The following ZNF699 variants were observed in gnomAD, a reference collection of about 807,000 sequenced individuals.
The protein encoded by ZNF699 is zinc finger protein 699.
ZNF699 carries 18 observed loss-of-function variants against 22.5 expected under a neutral mutation model. The ratio of observed to expected loss-of-function variants is 0.80; its 90% CI spans 0.55 to 1.19. The LOEUF is 1.19. Among genes scored for constraint, ZNF699 ranks in the 50% most tolerant of loss-of-function variants. The pLI is 0.00. For synonymous variants in ZNF699, 241 were observed against 262.3 expected (o/e 0.92, Z 0.78); for missense variants, 670 against 763.4 (o/e 0.88, Z 1.44).
chr19:9,300,845 C>T (rs533359015), intron 3 of ZNF699, among the ~76,000 whole-genome samples: 1 of 152,276 alleles, frequency 6.6e-6, no homozygotes, highest in African/African-American at 2.4e-5. Context: ...TGAAACTATT[C>T]TGTATGATAT....
intron 2 of ZNF699, among the ~76,000 whole-genome samples, chr19:9,304,554 T>C (rs1184385357): frequency 6.6e-6 from 1 of 152,192 alleles, no homozygotes; most frequent in South Asian, 2.1e-4. Context: ...TACAGTTTTA[T>C]TGGAACACAA....
rs751018922 is a variant in ZNF699, at chr19:9,296,138, CAG to C, written c.1264_1265del (p.Leu422GlyfsTer13). 6.2e-7 allele frequency: 1 copy of C among 1,613,434 alleles called. No homozygotes were observed. The highest frequency in any genetic ancestry group is 8.5e-7 in the Non-Finnish European group (1 of 1,179,866). On this transcript the variant is annotated frameshift_variant, in exon 6 of 6. Transcript: ENST00000591998. LOFTEE classifies it low-confidence loss of function (END_TRUNC). The stretch of plus-strand genomic sequence containing the variant: ...GAAGGTAGAAGGCCTTTCCACATTC[CAG>C]ACATTCATACGGTTTTTCTCCAGTG... ...KHTGEKPYEC[L>X]ECGKAFYLPT... is the part of the protein sequence containing the mutation.
intron 3 of ZNF699, 88 bp from the exon 4 acceptor site, chr19:9,298,078 G>C (rs2066293795): frequency 2.5e-6 from 2 of 794,114 alleles, no homozygotes; most frequent in Non-Finnish European, 4.1e-6. Context: ...TTAGTCTTCT[G>C]ATATTCCAAA....
intron 1 of ZNF699, among the ~76,000 whole-genome samples, chr19:9,307,906 C>CA (rs2066333279): frequency 1.3e-5 from 2 of 148,366 alleles, no homozygotes; most frequent in Admixed American, 1.3e-4. Context: ...AAGATCACGC[C>CA]ACTGCACTCC....
rs1335962787 is a variant in ZNF699, at chr19:9,294,601, A to G, written c.*874T>C. ...TTCCCTTATGCCTTCCAAATCTCGTACAAACTCTTATTTTAGACAAGTCTA... is the reference window on the plus strand; with the variant it reads ...TTCCCTTATGCCTTCCAAATCTCGTGCAAACTCTTATTTTAGACAAGTCTA... On this transcript the variant is annotated 3_prime_UTR_variant, in exon 6 of 6. Coordinates refer to ENST00000591998, the MANE Select transcript of ZNF699 (RefSeq NM_198535.3). 6.6e-6 allele frequency: 1 copy of G among 152,226 alleles called. No homozygotes were observed. The highest frequency in any genetic ancestry group is 1.5e-5 in the Non-Finnish European group (1 of 68,036). 9.4% of individuals were successfully genotyped at this position (152,226 alleles called of 1,614,324 possible).
Position 9,294,193 on chromosome 19 carries a change from T to C in ZNF699, c.*1282A>G, listed in dbSNP as rs572452285. On this transcript the variant is annotated 3_prime_UTR_variant, in exon 6 of 6. Coordinates refer to ENST00000591998, the MANE Select transcript of ZNF699 (RefSeq NM_198535.3). ...GAGCTTGCTAGAAAATCCAAGAAGCTGTATCTGGTGATAGCTTTAGAGATG... is the reference window on the plus strand; with the variant it reads ...GAGCTTGCTAGAAAATCCAAGAAGCCGTATCTGGTGATAGCTTTAGAGATG... 6.6e-6 allele frequency: 1 copy of C among 152,354 alleles called. No individual in the cohort carries two copies. Among genetic ancestry groups the C allele is most frequent in the South Asian group, 2.1e-4 (1 of 4,830 alleles). The allele number at this position is 152,354 out of a possible 1,614,324, so 9.4% of individuals were successfully genotyped here.
intron 1 of ZNF699, among the ~76,000 whole-genome samples, chr19:9,308,993 C>T (rs1233771407): frequency 6.6e-6 from 1 of 152,186 alleles, no homozygotes; most frequent in East Asian, 1.9e-4. Context: ...ATATAATATC[C>T]AGAGACCAAA....
In ZNF699 at chr19:9,294,018, T is replaced by A. The variant is rs2066275925; in HGVS notation, c.*1457A>T. 6.6e-6 allele frequency among the ~76,000 whole-genome samples: 1 copy of A among 152,106 alleles called. No individual in the cohort carries two copies. The highest frequency in any genetic ancestry group is 1.5e-5 in the Non-Finnish European group (1 of 68,020). On this transcript the variant is annotated 3_prime_UTR_variant, in exon 6 of 6. Coordinates refer to ENST00000591998, the MANE Select transcript of ZNF699 (RefSeq NM_198535.3). ...TTAAAACAGGATGATACCCTGTGGA[T>A]GCTTACCTCAATTACCAAGGGTAAC...
rs1192598448 is a variant in ZNF699 at position 9,292,685 on chromosome 19, G to A, written c.*2790C>T. Reference sequence around the variant, plus strand: ...GAGATTGGGAAATGTTATCTGTAATGTATGTATATATAATATACATATTTT... The same window carrying A: ...GAGATTGGGAAATGTTATCTGTAATATATGTATATATAATATACATATTTT... On this transcript the variant is annotated 3_prime_UTR_variant, in exon 6 of 6. Transcript: ENST00000591998. 2.0e-5 allele frequency among the ~76,000 whole-genome samples: 3 copies of A among 151,912 alleles called. No homozygotes were observed. Among genetic ancestry groups the A allele is most frequent in the Admixed American group, 6.6e-5 (1 of 15,246 alleles).
intron 2 of ZNF699, among the ~76,000 whole-genome samples, chr19:9,303,395 A>G (rs73504743): frequency 1.6e-3 from 245 of 152,352 alleles, no homozygotes; most frequent in African/African-American, 5.7e-3. Flanking sequence ...ATTTGCTGGA[A>G]CAACTCACAG....
chr19:9,298,202 C>T (rs1316954747), intron 3 of ZNF699, among the ~76,000 whole-genome samples: 2 of 148,970 alleles, frequency 1.3e-5, no homozygotes, highest in African/African-American at 5.0e-5. Context: ...AATCCCAGCA[C>T]TTTGGGAGAC....
chr19:9,295,967 C>T lies in ZNF699; in HGVS notation c.1437G>A (p.Glu479=). ...HTGKIQYECK[E]CGKTFSRSSS... ...AGGAACGACTAAAGGTCTTCCCACA[C>T]TCCTTACATTCATACTGTATCTTTC... Residue 479 remains glutamate (E), a synonymous_variant, in exon 6 of 6, where the codon GAG becomes GAA. Transcript: ENST00000591998. 6.2e-7 allele frequency: 1 copy of T among 1,613,798 alleles called. No individual in the cohort carries two copies.
chr19:9,300,372 G>A (rs558987429), intron 3 of ZNF699, among the ~76,000 whole-genome samples: 8 of 152,160 alleles, frequency 5.3e-5, no homozygotes, highest in South Asian at 2.1e-4. Context: ...GAGCCACCGC[G>A]CCCGGCTGGC....
At chr19:9,299,001 C>T (rs981681995) in intron 3 of ZNF699, among the ~76,000 whole-genome samples, 1 of 152,262 alleles carries the variant, frequency 6.6e-6, no homozygotes, top group Admixed American at 6.5e-5. Flanking sequence ...AATCTAGACA[C>T]AGGCCTTAGA....
In ZNF699 at chr19:9,309,387, C is replaced by G. The variant is rs2066339199; in HGVS notation, c.-43G>C. ...GATCCACAGATCAGCTCACAGAGAACGAGGCTGAAGCGCTTGTCCTTGAGA... is the reference window on the plus strand; with the variant it reads ...GATCCACAGATCAGCTCACAGAGAAGGAGGCTGAAGCGCTTGTCCTTGAGA... On this transcript the variant is annotated 5_prime_UTR_variant, in exon 1 of 6. Coordinates refer to ENST00000591998, the MANE Select transcript of ZNF699 (RefSeq NM_198535.3). The G allele has an allele frequency of 6.6e-6, 1 of 152,280 alleles. No homozygotes were observed. The highest frequency in any genetic ancestry group is 2.4e-5 in the African/African-American group (1 of 41,442). The allele number at this position is 152,280 out of a possible 1,614,324, so 9.4% of individuals were successfully genotyped here.
Position 9,309,341 on chromosome 19 carries a change from C to G in ZNF699, c.-6+9G>C, listed in dbSNP as rs1009384786. The G allele has an allele frequency of 6.6e-6, 1 of 152,204 alleles. No individual in the cohort carries two copies. Among genetic ancestry groups the G allele is most frequent in the African/African-American group, 2.4e-5 (1 of 41,390 alleles). 9.4% of individuals were successfully genotyped at this position (152,204 alleles called of 1,614,324 possible). A position where few individuals can be genotyped will look rare whatever the true frequency, so the allele number is the denominator to read the frequency against. ...GACCGAGCCGAGGCAAATGTCACCC[C>G]GTGCTCACCCGACACGCCGCGATCC... On this transcript the variant is annotated intron_variant, in intron 1 of 5. Coordinates refer to ENST00000591998, the MANE Select transcript of ZNF699 (RefSeq NM_198535.3).
At position 9,301,560 on chromosome 19, in the gene ZNF699, C is replaced by T. The variant is rs143344168; in HGVS notation, c.175+818G>A. On this transcript the variant is annotated intron_variant, in intron 3 of 5. Coordinates refer to ENST00000591998, the MANE Select transcript of ZNF699 (RefSeq NM_198535.3). ...CAGAAGGTCTAGGAAACTAATACAG[C>T]CTGCTTCCATAGACCCATCCCCAAA... Among the ~76,000 whole-genome samples the T allele has an allele frequency of 7.0e-3, 1,067 of 152,286 alleles. 9 individuals carry two copies. Among genetic ancestry groups the T allele is most frequent in the African/African-American group, 0.024 (1,005 of 41,552 alleles).
chr19:9,308,715 C>T (rs1204120491), intron 1 of ZNF699, among the ~76,000 whole-genome samples: 1 of 152,210 alleles, frequency 6.6e-6, no homozygotes, highest in African/African-American at 2.4e-5. Context: ...ATAATTCCCT[C>T]TGGAATCAGA....
Position 9,295,870 on chromosome 19 carries a change from AG to A in ZNF699, c.1533del (p.Phe512LeufsTer39). On this transcript the variant is annotated frameshift_variant, in exon 6 of 6. Coordinates refer to ENST00000591998, the MANE Select transcript of ZNF699 (RefSeq NM_198535.3). LOFTEE classifies it low-confidence loss of function (END_TRUNC). ...KPYECKECGKAFISSSHLTVH... is the reference protein window; with the variant it reads ...KPYECKECGKXFISSSHLTVH... ...ACTGTAAGGTGGGAGGAACTAATAA[AG>A]GCTTTCCCACATTCTTTACATTCAT... The A allele has an allele frequency of 6.2e-7, 1 of 1,614,118 alleles. No homozygotes were observed. The highest frequency in any genetic ancestry group is 1.1e-5 in the South Asian group (1 of 91,076).
Sources: gnomAD v4.1 joint callset for allele counts (sites outside exome capture counted in the v4.1 genomes callset) on GRCh38, gnomAD v4.1.1 for gene constraint, MANE v1.5 for transcripts, NCBI Gene and HGNC (gene_info 2026-07-23, HGNC 2026-07-21) for gene names.